Variants in PEX5L observed in about 807,000 individuals in gnomAD.
PEX5L encodes the protein PEX5-related protein.
PEX5L carries 30 observed loss-of-function variants against 84.0 expected under a neutral mutation model. That is an observed-to-expected ratio of 0.36 (90% CI 0.27 to 0.48). The LOEUF is 0.48. Ranked by LOEUF, PEX5L falls within the 20% of genes least tolerant of loss-of-function variation. The pLI is 0.99. For missense variants in PEX5L, 533 were observed against 754.6 expected, an observed-to-expected ratio of 0.71 and a Z score of 3.44; for synonymous variants, 270 against 283.1, an observed-to-expected ratio of 0.95 and a Z score of 0.46.
intron 2 of PEX5L, among the ~76,000 whole-genome samples, chr3:179,939,627 C>T (rs976472618): frequency 2.0e-5 from 3 of 152,170 alleles, no homozygotes; most frequent in East Asian, 3.8e-4. Context: ...AGTTAGGCCC[C>T]TCATTTACAA....
At chr3:179,938,130 TTAAAGG>T (rs1775102065) in intron 2 of PEX5L, among the ~76,000 whole-genome samples, 1 of 152,114 alleles carries the variant, frequency 6.6e-6, no homozygotes, top group South Asian at 2.1e-4. Context: ...GGTAAACATC[TTAAAGG>T]TAAACTCTGC....
intron 3 of PEX5L, among the ~76,000 whole-genome samples, chr3:179,890,684 C>CA (rs1363991920): frequency 5.3e-5 from 8 of 151,824 alleles, no homozygotes; most frequent in African/African-American, 1.7e-4. Context: ...AAAAAACAAA[C>CA]AAACAAAAAA....
Position 179,809,562 on chromosome 3 carries a change from T to G in PEX5L, c.1261A>C (p.Ile421Leu). ...QDACDALKNWIKQNPKYKYLV... is the reference protein window; with the variant it reads ...QDACDALKNWLKQNPKYKYLV... Reference sequence around the variant, plus strand: ...TATTTGTACTTTGGATTTTGCTTAATCCAATTCTTCAGAGCGTCACAGGCA... The same window carrying G: ...TATTTGTACTTTGGATTTTGCTTAAGCCAATTCTTCAGAGCGTCACAGGCA... The change falls in exon 12 of 15, where the codon ATT (isoleucine) becomes CTT (leucine). Residue 421 changes from isoleucine (I) to leucine (L), a missense_variant. Coordinates refer to ENST00000467460, the MANE Select transcript of PEX5L (RefSeq NM_016559.3). 1 of 1,614,040 alleles carries G rather than the reference T, an allele frequency of 6.2e-7. No individual in the cohort carries two copies. Among genetic ancestry groups the G allele is most frequent in the Non-Finnish European group, 8.5e-7 (1 of 1,179,958 alleles).
intron 2 of PEX5L, among the ~76,000 whole-genome samples, chr3:179,920,019 TAG>T (rs996918739): frequency 2.6e-5 from 4 of 152,298 alleles, no homozygotes; most frequent in African/African-American, 9.6e-5. Context: ...TTAAAGATAG[TAG>T]TTAAGTTTAG....
At chr3:179,977,141 G>C (rs1785880287) in intron 1 of PEX5L, among the ~76,000 whole-genome samples, 1 of 152,168 alleles carries the variant, frequency 6.6e-6, no homozygotes, top group African/African-American at 2.4e-5. Context: ...AGTGCTTTTT[G>C]AAACAATAAT....
intron 2 of PEX5L, among the ~76,000 whole-genome samples, chr3:179,943,051 G>A (rs1776586725): frequency 6.6e-6 from 1 of 152,198 alleles, no homozygotes; most frequent in Admixed American, 6.5e-5. Flanking sequence ...ATCAAATGAC[G>A]TAACATATAC....
intron 7 of PEX5L, among the ~76,000 whole-genome samples, chr3:179,873,790 A>G (rs1235940894): frequency 6.6e-6 from 1 of 152,180 alleles, no homozygotes; most frequent in Non-Finnish European, 1.5e-5. Context: ...CTTAAAAAAC[A>G]TACGTGAAGT....
chr3:179,985,802 C>T (rs1786757417), intron 1 of PEX5L, among the ~76,000 whole-genome samples: 1 of 152,076 alleles, frequency 6.6e-6, no homozygotes. Flanking sequence ...GGCCTTTCTG[C>T]CTCCCCTCAG....
intron 11 of PEX5L, among the ~76,000 whole-genome samples, chr3:179,810,983 T>C (rs960886687): frequency 6.6e-6 from 1 of 152,006 alleles, no homozygotes; most frequent in African/African-American, 2.4e-5. Context: ...CCTTTCCTGA[T>C]CCCCAATTCT....
At chr3:180,024,389 A>C (rs145614092) in intron 1 of PEX5L, among the ~76,000 whole-genome samples, 20,513 of 121,574 alleles carry the variant, frequency 0.17, 2,614 homozygotes, top group African/African-American at 0.34. Flanking sequence ...CACAAAAAAA[A>C]AAAAAATTAG....
At chr3:179,933,330 C>T (rs1346429101) in intron 2 of PEX5L, among the ~76,000 whole-genome samples, 1 of 152,202 alleles carries the variant, frequency 6.6e-6, no homozygotes, top group Non-Finnish European at 1.5e-5. Context: ...GCACATGTGC[C>T]TTCTGTGCCA....
intron 2 of PEX5L, among the ~76,000 whole-genome samples, chr3:179,969,903 T>C (rs890011318): frequency 1.3e-5 from 2 of 152,156 alleles, no homozygotes; most frequent in Admixed American, 1.3e-4. Context: ...CTCTTATTTT[T>C]TCTCTTTTTT....
intron 7 of PEX5L, among the ~76,000 whole-genome samples, chr3:179,868,370 T>C (rs1012793766): frequency 6.6e-6 from 1 of 152,116 alleles, no homozygotes; most frequent in African/African-American, 2.4e-5. Flanking sequence ...ATATTACACA[T>C]AGGAAGTAGG....
At chr3:179,868,004 A>G (rs1748936288) in intron 7 of PEX5L, among the ~76,000 whole-genome samples, 1 of 151,514 alleles carries the variant, frequency 6.6e-6, no homozygotes, top group Non-Finnish European at 1.5e-5. Context: ...GTTAAGAACA[A>G]ATGCTTTATT....
chr3:180,015,211 C>A lies in PEX5L; in HGVS notation c.21+21368G>T, dbSNP rs916115087. Among the ~76,000 whole-genome samples the A allele has an allele frequency of 3.9e-5, 6 of 152,278 alleles. 1 individual carries two copies. The highest frequency in any genetic ancestry group is 1.4e-4 in the African/African-American group (6 of 41,566). ...CCCCTTGAGGACAGGAACCACACCT[C>A]ATTCATCTTTGTATCCCTTCCTGCT... On this transcript the variant is annotated intron_variant, in intron 1 of 14. Coordinates refer to ENST00000467460, the MANE Select transcript of PEX5L (RefSeq NM_016559.3).
chr3:179,900,642 C>T lies in PEX5L; in HGVS notation c.94-2396G>A. 4.1e-6 allele frequency: 6 copies of T among 1,463,570 alleles called. No homozygotes were observed. In the South Asian group the frequency reaches 7.3e-5, roughly 18 times the overall value. 90.7% of individuals were successfully genotyped at this position (1,463,570 alleles called of 1,614,324 possible). A position where few individuals can be genotyped will look rare whatever the true frequency, so the allele number is the denominator to read the frequency against. ...GGATGTACAATAAATACATGCGGTG[C>T]TTTTTATTTCTTGCAGAAAAAACCC... is the stretch of plus-strand genomic sequence containing the variant. On this transcript the variant is annotated intron_variant, in intron 2 of 14. Coordinates refer to ENST00000467460, the MANE Select transcript of PEX5L (RefSeq NM_016559.3).
At chr3:179,834,105 G>A (rs1208454909) in intron 8 of PEX5L, among the ~76,000 whole-genome samples, 5 of 152,196 alleles carry the variant, frequency 3.3e-5, no homozygotes, top group Admixed American at 2.6e-4. Context: ...TTCCCAAAGT[G>A]TTAGGATTAT....
chr3:179,931,095 A>G lies in PEX5L; in HGVS notation c.94-32849T>C, dbSNP rs575742553. Among the ~76,000 whole-genome samples the G allele has an allele frequency of 3.3e-5, 5 of 152,350 alleles. No homozygotes were observed. In the South Asian group the frequency reaches 1.0e-3, roughly 32 times the overall value. On this transcript the variant is annotated intron_variant, in intron 2 of 14. Transcript: ENST00000467460. ...ACTCACATACAGAAATAAATGATACATTTCTCCAACTTGTCTAGATTATTA... is the reference window on the plus strand; with the variant it reads ...ACTCACATACAGAAATAAATGATACGTTTCTCCAACTTGTCTAGATTATTA...
chr3:179,894,592 A>G (rs909024315), intron 3 of PEX5L, among the ~76,000 whole-genome samples: 2 of 152,154 alleles, frequency 1.3e-5, no homozygotes, highest in African/African-American at 4.8e-5. Context: ...AGGAGAATGT[A>G]ATTAAGACAA....
Sources: gnomAD v4.1 joint callset for allele counts (sites outside exome capture counted in the v4.1 genomes callset) on GRCh38, gnomAD v4.1.1 for gene constraint, MANE v1.5 for transcripts, NCBI Gene and HGNC (gene_info 2026-07-23, HGNC 2026-07-21) for gene names.